Variants in GRM7 observed in about 807,000 individuals in gnomAD.
GRM7 encodes glutamate metabotropic receptor 7.
A neutral mutation model predicts 84.5 loss-of-function variants in GRM7; 35 were observed. The ratio of observed to expected loss-of-function variants is 0.41; its 90% confidence interval spans 0.32 to 0.55. The LOEUF is 0.55. Among genes scored for constraint, GRM7 ranks in the 20% least tolerant of loss-of-function variants. The pLI, the probability that GRM7 is intolerant of heterozygous loss-of-function variation, is 0.19. For synonymous variants in GRM7, 487 were observed against 455.1 expected, an observed-to-expected ratio of 1.07 and a Z score of -0.89; for missense variants, 1,003 against 1,194.6, an observed-to-expected ratio of 0.84 and a Z score of 2.36.
At chr3:7,627,958 T>C (rs1307194394) in intron 8 of GRM7, among the ~76,000 whole-genome samples, 3 of 152,170 alleles carry the variant, frequency 2.0e-5, no homozygotes, top group Non-Finnish European at 4.4e-5. Context: ...TACTAGTGGT[T>C]AGGACTTCAA....
rs568827252 is a variant in GRM7, at chr3:7,357,027, A to G, written c.1033+50375A>G. Among the ~76,000 whole-genome samples, 144 of 149,934 alleles carry G rather than the reference A, an allele frequency of 9.6e-4. 3 individuals carry two copies. The highest frequency in any genetic ancestry group is 6.3e-3 in the East Asian group (32 of 5,118). Reference sequence around the variant, plus strand: ...ATATCATATAATATATATTTGATATAAATTGTATAATATATATGTTCATTT... The same window carrying G: ...ATATCATATAATATATATTTGATATGAATTGTATAATATATATGTTCATTT... On this transcript the variant is annotated intron_variant, in intron 4 of 9. Coordinates refer to ENST00000357716, the MANE Select transcript of GRM7 (RefSeq NM_000844.4).
chr3:7,346,807 T>C (rs1390867895), intron 4 of GRM7, among the ~76,000 whole-genome samples: 3 of 152,138 alleles, frequency 2.0e-5, no homozygotes, highest in Non-Finnish European at 4.4e-5. Flanking sequence ...ATTAGATCTA[T>C]TCTGATCCTT....
intron 5 of GRM7, among the ~76,000 whole-genome samples, chr3:7,418,770 G>A (rs1696277323): frequency 6.6e-6 from 1 of 152,180 alleles, no homozygotes; most frequent in Admixed American, 6.5e-5. Context: ...CCATCTTGGG[G>A]TCAGGAACAT....
chr3:7,029,811 C>T (rs1402563577), intron 1 of GRM7, among the ~76,000 whole-genome samples: 1 of 152,176 alleles, frequency 6.6e-6, no homozygotes. Flanking sequence ...ATCGTGCTAA[C>T]ATGCTTAATA....
chr3:7,267,239 A>G (rs767338531), intron 2 of GRM7, among the ~76,000 whole-genome samples: 1 of 152,238 alleles, frequency 6.6e-6, no homozygotes, highest in Non-Finnish European at 1.5e-5. Context: ...TTTGGCAACT[A>G]TTGATTAGGC....
At chr3:6,974,034 G>A (rs538095187) in intron 1 of GRM7, among the ~76,000 whole-genome samples, 2 of 152,160 alleles carry the variant, frequency 1.3e-5, no homozygotes, top group African/African-American at 4.8e-5. Context: ...TCAGACCAGA[G>A]TGCAAACTTT....
intron 4 of GRM7, among the ~76,000 whole-genome samples, chr3:7,375,181 C>T (rs1234006250): frequency 6.6e-6 from 1 of 150,984 alleles, no homozygotes; most frequent in Non-Finnish European, 1.5e-5. Flanking sequence ...TAACCAAGGC[C>T]AAACCATAAA....
In GRM7 at chr3:7,160,411, C is replaced by T. The variant is rs116936666; in HGVS notation, c.736+13743C>T. 2.0e-5 allele frequency among the ~76,000 whole-genome samples: 3 copies of T among 152,288 alleles called. No homozygotes were observed. The East Asian group carries it at 5.8e-4, about 29-fold the overall frequency. On this transcript the variant is annotated intron_variant, in intron 2 of 9. Transcript: ENST00000357716. ...TTTGTGAGGTCTTAACTAGATACCC[C>T]AGTTTCGTCCTTGTTTTGGCTCCTT... is the stretch of plus-strand genomic sequence containing the variant.
intron 1 of GRM7, among the ~76,000 whole-genome samples, chr3:7,035,027 T>C: frequency 6.6e-6 from 1 of 151,990 alleles, no homozygotes; most frequent in Non-Finnish European, 1.5e-5. Flanking sequence ...GGGAGGCCTG[T>C]GGATATGGGG....
chr3:7,158,875 A>G (rs1239402565), intron 2 of GRM7, among the ~76,000 whole-genome samples: 1 of 152,178 alleles, frequency 6.6e-6, no homozygotes, highest in Non-Finnish European at 1.5e-5. Context: ...AGAAACATGT[A>G]TTTCCTAATT....
chr3:7,422,143 T>C (rs1409371804), intron 5 of GRM7, among the ~76,000 whole-genome samples: 2 of 152,060 alleles, frequency 1.3e-5, no homozygotes, highest in East Asian at 3.9e-4. Context: ...CTCAGTGTTC[T>C]ATCCCTTTAG....
chr3:7,154,989 T>G (rs956886596), intron 2 of GRM7, among the ~76,000 whole-genome samples: 1 of 152,094 alleles, frequency 6.6e-6, no homozygotes, highest in Admixed American at 6.6e-5. Context: ...GGAAAGATAT[T>G]GATTAGTGTA....
At chr3:7,228,305 TTTAG>T (rs1697049384) in intron 2 of GRM7, among the ~76,000 whole-genome samples, 1 of 152,210 alleles carries the variant, frequency 6.6e-6, no homozygotes, top group Admixed American at 6.5e-5. Context: ...CCGTTTATTT[TTTAG>T]TTATAGTTCA....
chr3:6,984,605 G>A (rs1694333553), intron 1 of GRM7, among the ~76,000 whole-genome samples: 1 of 151,036 alleles, frequency 6.6e-6, no homozygotes, highest in Admixed American at 6.6e-5. Context: ...GAACATTGTA[G>A]AGTTTATCTG....
chr3:7,674,917 G>A (rs953972710), intron 8 of GRM7, among the ~76,000 whole-genome samples: 76 of 152,190 alleles, frequency 5.0e-4, no homozygotes, highest in East Asian at 7.7e-4. Flanking sequence ...ACAAGTAGTG[G>A]AAGAGTAAGG....
In GRM7 at chr3:7,452,804, A is replaced by T; in HGVS notation, c.1372A>T (p.Asn458Tyr). 1 of 1,600,990 alleles carries T rather than the reference A, an allele frequency of 6.2e-7. No individual in the cohort carries two copies. Among genetic ancestry groups the T allele is most frequent in the Non-Finnish European group, 8.6e-7 (1 of 1,168,644 alleles). ...GAAGTATATACGCAATGTTAATTTC[A>T]ATGGTGAGTCTCCAAAAATCCATCC... ...LLKYIRNVNF[N>Y]GSAGTPVMFN... The change falls in exon 6 of 10, where the codon AAT (asparagine) becomes TAT (tyrosine). Residue 458 changes from asparagine to tyrosine, a missense_variant. Coordinates refer to ENST00000357716, the MANE Select transcript of GRM7 (RefSeq NM_000844.4).
At chr3:7,450,414 ACTC>A (rs1326279988) in intron 5 of GRM7, among the ~76,000 whole-genome samples, 1 of 151,884 alleles carries the variant, frequency 6.6e-6, no homozygotes, top group Non-Finnish European at 1.5e-5. Context: ...CTTTGACAAA[ACTC>A]CTCCACTTCT....
At chr3:7,552,318 G>T (rs1009448074) in intron 7 of GRM7, among the ~76,000 whole-genome samples, 1 of 152,152 alleles carries the variant, frequency 6.6e-6, no homozygotes, top group African/African-American at 2.4e-5. Flanking sequence ...TTCATCGGCT[G>T]GTGTTGAGTG....
At chr3:7,738,509 C>G (rs1375707267) in intron 9 of GRM7, among the ~76,000 whole-genome samples, 2 of 152,118 alleles carry the variant, frequency 1.3e-5, no homozygotes, top group East Asian at 3.9e-4. Context: ...TTAATCCCAG[C>G]CAATGCTCAG....
Sources: allele counts gnomAD v4.1 joint callset (sites outside exome capture counted in the v4.1 genomes callset), GRCh38; gene constraint gnomAD v4.1.1; transcripts MANE v1.5; gene names NCBI Gene and HGNC (gene_info 2026-07-23, HGNC 2026-07-21).